The following BABAM2 variants were observed in gnomAD, a reference collection of about 807,000 sequenced individuals.
BABAM2 encodes BRISC and BRCA1 A complex member 2, also known as BRISC and BRCA1-A complex member 2.
A neutral mutation model predicts 54.7 loss-of-function variants in BABAM2; 31 were observed. The observed-to-expected ratio is 0.57, with a 90% CI of 0.43 to 0.77. The LOEUF is 0.77. BABAM2 is among the 30% of genes least tolerant of loss of function. The probability of loss-of-function intolerance (pLI) is 0.00; values close to 1 mark genes in which losing one functional copy is unlikely to be tolerated. For missense variants in BABAM2, 364 were observed against 455.8 expected (o/e 0.80, Z 1.83); for synonymous variants, 167 against 162.9 (o/e 1.03, Z -0.19).
At chr2:28,228,523 A>G (rs1287951461) in intron 7 of BABAM2, among the ~76,000 whole-genome samples, 4 of 152,204 alleles carry the variant, frequency 2.6e-5, no homozygotes, top group Non-Finnish European at 4.4e-5. Context: ...AAAGCCATTC[A>G]TTGGAGTTTT....
chr2:28,251,145 TTAAC>T (rs963489962), intron 10 of BABAM2, among the ~76,000 whole-genome samples: 15 of 152,230 alleles, frequency 9.9e-5, no homozygotes, highest in Non-Finnish European at 2.2e-4. Flanking sequence ...GTATTTGTCT[TTAAC>T]TATCTGTTTG....
Position 28,176,907 on chromosome 2 carries a change from G to A in BABAM2, c.680+47527G>A, listed in dbSNP as rs535933727. Among the ~76,000 whole-genome samples, 77 of 151,354 alleles carry A rather than the reference G, an allele frequency of 5.1e-4. 2 individuals are homozygous for A. The highest frequency in any genetic ancestry group is 1.8e-3 in the African/African-American group (74 of 41,328). ...AATGAACAAAGTGTATATGACATATGGGACACCATAAAGTGACTAATTCAA... is the reference window on the plus strand; with the variant it reads ...AATGAACAAAGTGTATATGACATATAGGACACCATAAAGTGACTAATTCAA... On this transcript the variant is annotated intron_variant, in intron 7 of 11. Transcript: ENST00000379624.
At chr2:28,223,067 A>T (rs1013000047) in intron 7 of BABAM2, among the ~76,000 whole-genome samples, 7 of 152,230 alleles carry the variant, frequency 4.6e-5, no homozygotes, top group African/African-American at 1.7e-4. Context: ...TAAATAAATT[A>T]TGTTATTTAG....
chr2:28,201,988 T>G (rs906104677), intron 7 of BABAM2, among the ~76,000 whole-genome samples: 1 of 152,162 alleles, frequency 6.6e-6, no homozygotes, highest in Non-Finnish European at 1.5e-5. Context: ...CGGGGCCCAG[T>G]TGGCCAGGGG....
intron 6 of BABAM2, among the ~76,000 whole-genome samples, chr2:28,112,197 C>CCCTCCCTTCCTTCCTTCCTTCCTTCCTT (rs1558347424): frequency 5.9e-4 from 15 of 25,494 alleles, no homozygotes; most frequent in South Asian, 5.5e-3. Flanking sequence ...CTCCCTCCCT[C>CCCTCCCTTCCTTCCTTCCTTCCTTCCTT]CCTTCCTTCC....
At chr2:28,083,544 C>T (rs1295126391) in intron 6 of BABAM2, among the ~76,000 whole-genome samples, 1 of 152,140 alleles carries the variant, frequency 6.6e-6, no homozygotes, top group Non-Finnish European at 1.5e-5. Context: ...TAAATATTTC[C>T]TATTTTCTAG....
At chr2:28,058,213 C>G (rs1020462579) in intron 6 of BABAM2, among the ~76,000 whole-genome samples, 7 of 151,142 alleles carry the variant, frequency 4.6e-5, no homozygotes, top group African/African-American at 1.7e-4. Flanking sequence ...AGTTGGAAAA[C>G]AGTTGAACAG....
chr2:28,299,794 A>G (rs1478858124), intron 11 of BABAM2, among the ~76,000 whole-genome samples: 1 of 152,178 alleles, frequency 6.6e-6, no homozygotes, highest in Non-Finnish European at 1.5e-5. Context: ...GCCATGACTA[A>G]TCAAGAACTT....
intron 6 of BABAM2, among the ~76,000 whole-genome samples, chr2:28,083,611 C>T (rs1487624966): frequency 1.3e-5 from 2 of 152,078 alleles, no homozygotes; most frequent in African/African-American, 4.8e-5. Context: ...CATGATCTTG[C>T]CTCTTATTTT....
At chr2:28,288,285 G>C (rs187392171) in intron 10 of BABAM2, among the ~76,000 whole-genome samples, 1 of 151,450 alleles carries the variant, frequency 6.6e-6, no homozygotes, top group African/African-American at 2.4e-5. Context: ...CAGGAGAGTA[G>C]TGGGAAACAT....
intron 2 of BABAM2, among the ~76,000 whole-genome samples, chr2:27,910,282 G>T (rs569458727): frequency 4.6e-5 from 7 of 152,056 alleles, no homozygotes; most frequent in Non-Finnish European, 1.0e-4. Flanking sequence ...AGGTTCAGGG[G>T]TGTATCACAG....
chr2:28,021,908 G>C (rs76204186), intron 4 of BABAM2, among the ~76,000 whole-genome samples: 1 of 151,892 alleles, frequency 6.6e-6, no homozygotes, highest in Non-Finnish European at 1.5e-5. Context: ...AGTGTTTTCC[G>C]TTTATAGGTA....
intron 6 of BABAM2, among the ~76,000 whole-genome samples, chr2:28,066,568 C>T (rs115546043): frequency 1.2e-4 from 18 of 152,308 alleles, no homozygotes; most frequent in African/African-American, 3.8e-4. Flanking sequence ...TGAGAAGTTC[C>T]AGCTCAGTGT....
chr2:28,270,406 C>T (rs1374510882), intron 10 of BABAM2, among the ~76,000 whole-genome samples: 3 of 152,196 alleles, frequency 2.0e-5, no homozygotes, highest in Admixed American at 2.0e-4. Context: ...CAGGCATGAG[C>T]CACTTTGCCT....
At chr2:28,116,426 C>T (rs1213703040) in intron 6 of BABAM2, among the ~76,000 whole-genome samples, 3 of 152,202 alleles carry the variant, frequency 2.0e-5, no homozygotes, top group Admixed American at 2.0e-4. Flanking sequence ...TGATGGTCTC[C>T]AGTTAATGAG....
chr2:28,275,129 T>C (rs1248371916), intron 10 of BABAM2, among the ~76,000 whole-genome samples: 1 of 152,208 alleles, frequency 6.6e-6, no homozygotes, highest in Admixed American at 6.5e-5. Context: ...AATTTTCAGA[T>C]GGACCAGTGA....
At chr2:27,975,245 A>G (rs1671507262) in intron 3 of BABAM2, among the ~76,000 whole-genome samples, 1 of 152,102 alleles carries the variant, frequency 6.6e-6, no homozygotes, top group East Asian at 1.9e-4. Flanking sequence ...GATATTGACA[A>G]GATGATTTTA....
Position 28,202,607 on chromosome 2 carries a change from G to A in BABAM2, c.681-34595G>A, listed in dbSNP as rs181729562. Among the ~76,000 whole-genome samples, 4 of 152,260 alleles carry A rather than the reference G, an allele frequency of 2.6e-5. No individual in the cohort carries two copies. In the East Asian group the frequency reaches 5.8e-4, roughly 22 times the overall value. On this transcript the variant is annotated intron_variant, in intron 7 of 11. Coordinates refer to ENST00000379624, the MANE Select transcript of BABAM2 (RefSeq NM_199191.3). Reference sequence around the variant, plus strand: ...TTAGTAATGTTGTTCTAGTTTATGCGATGGGAACATTTTAGTTGGGGCTTT... The same window carrying A: ...TTAGTAATGTTGTTCTAGTTTATGCAATGGGAACATTTTAGTTGGGGCTTT...
rs138754146 is a variant in BABAM2, at chr2:28,199,191, T to C, written c.681-38011T>C. 2.7e-3 allele frequency among the ~76,000 whole-genome samples: 417 copies of C among 152,352 alleles called. 1 individual carries two copies. Among genetic ancestry groups the C allele is most frequent in the African/African-American group, 9.5e-3 (395 of 41,580 alleles). On this transcript the variant is annotated intron_variant, in intron 7 of 11. Coordinates refer to ENST00000379624, the MANE Select transcript of BABAM2 (RefSeq NM_199191.3). Reference sequence around the variant, plus strand: ...TTGATTTTAGAAGTGCTGTGCCAGTTGGTGTAATCCCAGAAGCAAGGTGGC... The same window carrying C: ...TTGATTTTAGAAGTGCTGTGCCAGTCGGTGTAATCCCAGAAGCAAGGTGGC...
Sources: gnomAD v4.1 joint callset for allele counts (sites outside exome capture counted in the v4.1 genomes callset) on GRCh38, gnomAD v4.1.1 for gene constraint, MANE v1.5 for transcripts, NCBI Gene and HGNC (gene_info 2026-07-23, HGNC 2026-07-21) for gene names.